Variants in ABL1 observed in about 807,000 individuals in gnomAD.
ABL1 encodes the protein tyrosine-protein kinase ABL1.
ABL1 carries 11 observed loss-of-function variants against 94.7 expected under a neutral mutation model. That is an observed-to-expected ratio of 0.12 (90% CI 0.07 to 0.19). The LOEUF (loss-of-function observed/expected upper bound fraction) is 0.19. Among genes scored for constraint, ABL1 ranks in the 10% least tolerant of loss-of-function variants. ABL1 has a pLI of 1.00. For missense variants in ABL1, 1,082 were observed against 1,489.4 expected, an observed-to-expected ratio of 0.73 and a Z score of 4.50; for synonymous variants, 656 against 622.4, an observed-to-expected ratio of 1.05 and a Z score of -0.80.
upstream of ABL1, among the ~76,000 whole-genome samples, chr9:130,832,846 G>A (rs760054660): frequency 5.9e-5 from 9 of 152,194 alleles, no homozygotes; most frequent in Non-Finnish European, 1.2e-4. Flanking sequence ...AATGCTCTTC[G>A]TATCTTTCAA....
intron 1 of ABL1, among the ~76,000 whole-genome samples, chr9:130,722,573 T>C (rs1229148400): frequency 6.6e-6 from 1 of 152,144 alleles, no homozygotes; most frequent in African/African-American, 2.4e-5. Context: ...CACTGCAGCC[T>C]TGAACTCCTG....
intron 1 of ABL1, among the ~76,000 whole-genome samples, chr9:130,738,705 T>A (rs1831776698): frequency 2.0e-5 from 3 of 152,216 alleles, no homozygotes; most frequent in Admixed American, 1.3e-4. Flanking sequence ...GATGGACAAA[T>A]CATGGAAAAT....
chr9:130,876,469 G>A (rs1417418301), intron 7 of ABL1, among the ~76,000 whole-genome samples: 1 of 150,570 alleles, frequency 6.6e-6, no homozygotes, highest in Admixed American at 6.6e-5. Context: ...ACAGGCTGGA[G>A]TTCAGTAGCA....
At position 130,885,614 on chromosome 9, in the gene ABL1, A is replaced by G. The variant is rs1056171; in HGVS notation, c.3324A>G (p.Pro1108=). The G allele has an allele frequency of 0.5, 808,039 of 1,613,376 alleles. 209,616 individuals carry two copies. The highest frequency in any genetic ancestry group is 0.83 in the African/African-American group (62,147 of 75,018). The change falls in exon 11 of 11, where the codon CCA becomes CCG. Residue 1108 remains proline (P), a synonymous_variant. Coordinates refer to ENST00000318560, the MANE Select transcript of ABL1 (RefSeq NM_005157.6). ...GCCCGGCGACAGCAGGCAGTGGTCC[A>G]GCGGCCACTCAGGACTTCAGCAAGC... ...QICPATAGSG[P]AATQDFSKLL... is the part of the protein sequence containing the mutation.
chr9:130,777,058 C>A (rs1350572076), intron 1 of ABL1, among the ~76,000 whole-genome samples: 5 of 152,168 alleles, frequency 3.3e-5, no homozygotes, highest in Non-Finnish European at 7.4e-5. Context: ...AATCCTTCTC[C>A]TAGTATCACA....
intron 3 of ABL1, among the ~76,000 whole-genome samples, chr9:130,860,987 T>TC (rs1229060028): frequency 2.6e-5 from 4 of 152,262 alleles, no homozygotes; most frequent in African/African-American, 9.6e-5. Flanking sequence ...GGTGCCGACT[T>TC]CCGCTCCCCG....
rs747316383 is a variant in ABL1 at position 130,880,147 on chromosome 9, T to C, written c.1503T>C (p.Ser501=). 1.2e-6 allele frequency: 2 copies of C among 1,614,112 alleles called. No individual in the cohort carries two copies. The highest frequency in any genetic ancestry group is 3.3e-5 in the Admixed American group (2 of 60,010). The stretch of plus-strand genomic sequence containing the variant: ...TTGAAACAATGTTCCAGGAATCCAG[T>C]ATCTCAGACGGTAAAGTACCCATCC... ...QAFETMFQES[S]ISDEVEKELG... is the part of the protein sequence containing the mutation. Residue 501 remains serine, a synonymous_variant, in exon 9 of 11, where the codon AGT becomes AGC. Coordinates refer to ENST00000318560, the MANE Select transcript of ABL1 (RefSeq NM_005157.6). This position sits in a 1 kb window ranked among gnomAD's most constrained non-coding sequence, Gnocchi z 4.4.
intron 1 of ABL1, among the ~76,000 whole-genome samples, chr9:130,756,997 G>A (rs1030114495): frequency 6.6e-6 from 1 of 152,178 alleles, no homozygotes; most frequent in Non-Finnish European, 1.5e-5. Context: ...CCAGAGCAGG[G>A]AGCCGATGGA....
In ABL1 at chr9:130,716,072, C is replaced by CTTT. The variant is rs71389339; in HGVS notation, c.136+1647_136+1649dup. On this transcript the variant is annotated intron_variant, in intron 1 of 10. Coordinates refer to the ABL1 transcript ENST00000372348. ...TATCCACTTTTCACTGAAAAATGTCCTTTTTTTTTTTTTTTTTTTTTTTTT... is the reference window on the plus strand; with the variant it reads ...TATCCACTTTTCACTGAAAAATGTCCTTTTTTTTTTTTTTTTTTTTTTTTTTTT... 1.9e-3 allele frequency among the ~76,000 whole-genome samples: 170 copies of CTTT among 91,212 alleles called. 8 individuals carry two copies. The highest frequency in any genetic ancestry group is 3.3e-3 in the Non-Finnish European group (139 of 42,686). The allele number at this position is 91,212 out of a possible 152,430, so 59.8% of individuals were successfully genotyped here. A position where few individuals can be genotyped will look rare whatever the true frequency, so the allele number is the denominator to read the frequency against.
intron 1 of ABL1, among the ~76,000 whole-genome samples, chr9:130,735,955 ATATATATTTT>A (rs1831733313): frequency 2.4e-5 from 1 of 41,498 alleles, no homozygotes; most frequent in African/African-American, 1.5e-4. Flanking sequence ...ATATATATAT[ATATATATTTT>A]TTTTTTTTAA....
chr9:130,780,176 A>G (rs534033171), intron 1 of ABL1, among the ~76,000 whole-genome samples: 1 of 152,144 alleles, frequency 6.6e-6, no homozygotes, highest in South Asian at 2.1e-4. Context: ...AATCCCAGCT[A>G]CTCTGGAGGC....
chr9:130,875,246 A>T (rs1455965242), intron 7 of ABL1, among the ~76,000 whole-genome samples, 194 bp downstream of exon 7: 2 of 151,838 alleles, frequency 1.3e-5, no homozygotes, highest in Non-Finnish European at 2.9e-5. Context: ...GGTTCAAGCG[A>T]TTCTCCTGTC....
At chr9:130,866,603 C>T (rs184215521) in intron 4 of ABL1, among the ~76,000 whole-genome samples, 1 of 152,230 alleles carries the variant, frequency 6.6e-6, no homozygotes, top group African/African-American at 2.4e-5. Flanking sequence ...CCATAGTGAA[C>T]AAGTCAAGCA....
rs545303646 is a variant in ABL1, at chr9:130,886,202, C to T, written c.*519C>T. The stretch of plus-strand genomic sequence containing the variant: ...AAGACATGTTTCAAGAACCGCATTT[C>T]GGGAAGGGCATGCACGGGCATGCAC... On this transcript the variant is annotated 3_prime_UTR_variant, in exon 11 of 11. Coordinates refer to ENST00000318560, the MANE Select transcript of ABL1 (RefSeq NM_005157.6). 2.1e-5 allele frequency: 5 copies of T among 239,476 alleles called. No homozygotes were observed. The highest frequency in any genetic ancestry group is 6.6e-5 in the African/African-American group (3 of 45,520). The allele number at this position is 239,476 out of a possible 1,614,324, so 14.8% of individuals were successfully genotyped here.
intron 3 of ABL1, among the ~76,000 whole-genome samples, chr9:130,855,992 T>G (rs1042972513): frequency 2.0e-5 from 3 of 152,176 alleles, no homozygotes; most frequent in African/African-American, 7.2e-5. Flanking sequence ...CTTGGCTCAC[T>G]GCAACCTCTG....
chr9:130,737,104 TG>T (rs1476696637), intron 1 of ABL1, among the ~76,000 whole-genome samples: 1 of 152,086 alleles, frequency 6.6e-6, no homozygotes, highest in Non-Finnish European at 1.5e-5. Context: ...TTTTTTGTTT[TG>T]TTTTAGTTTT....
chr9:130,836,163 G>A (rs74953286), intron 1 of ABL1, among the ~76,000 whole-genome samples: 3,939 of 152,248 alleles, frequency 0.026, 177 homozygotes, highest in African/African-American at 0.089. Context: ...CTTTTCAGGG[G>A]AGGGGAGCCC....
intron 1 of ABL1, among the ~76,000 whole-genome samples, chr9:130,729,509 C>T (rs1831634160): frequency 6.6e-6 from 1 of 152,208 alleles, no homozygotes; most frequent in African/African-American, 2.4e-5. Context: ...TCTCCCTGCA[C>T]TGTGTTTGGG....
upstream of ABL1, chr9:130,834,795 C>T: frequency 2.2e-6 from 1 of 450,056 alleles, no homozygotes; most frequent in South Asian, 1.6e-5. Context: ...CTGCCTCAGC[C>T]TTAATCACAG....
Sources: gnomAD v4.1 joint callset for allele counts (sites outside exome capture counted in the v4.1 genomes callset) on GRCh38, gnomAD v4.1.1 for gene constraint, Gnocchi (gnomAD v3.1) non-coding constraint, MANE v1.5 for transcripts, NCBI Gene and HGNC (gene_info 2026-07-23, HGNC 2026-07-21) for gene names.